The following PLCB4 variants were observed in gnomAD, a reference collection of about 807,000 sequenced individuals.
The protein encoded by PLCB4 is 1-phosphatidylinositol 4,5-bisphosphate phosphodiesterase beta-4.
A neutral mutation model predicts 178.8 loss-of-function variants in PLCB4; 77 were observed. The observed-to-expected ratio is 0.43, with a 90% CI of 0.36 to 0.52. The LOEUF is 0.52. Among genes scored for constraint, PLCB4 ranks in the 20% least tolerant of loss-of-function variants. PLCB4 has a pLI of 0.00. For missense variants in PLCB4, 1,024 were observed against 1,453.4 expected (o/e 0.70, Z 4.80); for synonymous variants, 496 against 490.8 (o/e 1.01, Z -0.14).
intron 36 of PLCB4, among the ~76,000 whole-genome samples, chr20:9,469,299 G>T (rs1242677505): frequency 6.6e-6 from 1 of 152,082 alleles, no homozygotes; most frequent in Non-Finnish European, 1.5e-5. Flanking sequence ...ATATAATTCT[G>T]AAGCATCCTT....
At chr20:9,257,127 C>T (rs1417910877) in intron 3 of PLCB4, among the ~76,000 whole-genome samples, 2 of 152,116 alleles carry the variant, frequency 1.3e-5, no homozygotes, top group Non-Finnish European at 2.9e-5. Context: ...CATTTTAGTT[C>T]TTAACTTGAA....
At chr20:9,410,978 C>T (rs1472804804) in intron 24 of PLCB4, 59 bp from the exon 25 acceptor site, 15 of 1,237,122 alleles carry the variant, frequency 1.2e-5, no homozygotes, top group Admixed American at 3.4e-5. Flanking sequence ...CAAATCACCC[C>T]GTCAGGGTCT....
At chr20:9,257,150 CTTCCT>C (rs1250163964) in intron 3 of PLCB4, among the ~76,000 whole-genome samples, 2 of 152,174 alleles carry the variant, frequency 1.3e-5, no homozygotes, top group Non-Finnish European at 2.9e-5. Context: ...TCTTGGGATA[CTTCCT>C]TTCCTCCTAG....
At chr20:9,272,435 C>T (rs2094412939) in intron 3 of PLCB4, among the ~76,000 whole-genome samples, 1 of 152,042 alleles carries the variant, frequency 6.6e-6, no homozygotes, top group Admixed American at 6.6e-5. Flanking sequence ...GCATTACTGA[C>T]ACTTTACATG....
chr20:9,378,824 A>G (rs571251571), intron 12 of PLCB4, among the ~76,000 whole-genome samples: 42 of 152,270 alleles, frequency 2.8e-4, no homozygotes, highest in African/African-American at 1.0e-3. Context: ...TGGGCCCCAT[A>G]TGCATGAGGA....
At chr20:9,079,979 A>G (rs1040142629) in intron 1 of PLCB4, among the ~76,000 whole-genome samples, 3 of 152,234 alleles carry the variant, frequency 2.0e-5, no homozygotes, top group Admixed American at 6.5e-5. Context: ...GTCTCTCAGC[A>G]TGGAGTTGGA....
At chr20:9,245,105 C>A (rs550412582) in intron 3 of PLCB4, among the ~76,000 whole-genome samples, 13 of 152,098 alleles carry the variant, frequency 8.5e-5, no homozygotes, top group Non-Finnish European at 1.5e-4. Flanking sequence ...GCTAGCCCAG[C>A]CTGTTCATAT....
At chr20:9,430,210 G>C (rs893972805) in intron 28 of PLCB4, among the ~76,000 whole-genome samples, 1 of 152,216 alleles carries the variant, frequency 6.6e-6, no homozygotes, top group Admixed American at 6.5e-5. Flanking sequence ...CATGGGTTGG[G>C]CATGCTTATC....
chr20:9,338,101 G>C (rs773160778), intron 6 of PLCB4, 34 bp downstream of exon 6: 3 of 1,416,432 alleles, frequency 2.1e-6, no homozygotes, highest in Middle Eastern at 1.8e-4. Context: ...TTCTAAACAC[G>C]GATTTACTTA....
intron 13 of PLCB4, among the ~76,000 whole-genome samples, chr20:9,382,930 A>G (rs1299312152): frequency 2.0e-5 from 3 of 152,202 alleles, no homozygotes; most frequent in Non-Finnish European, 2.9e-5. Context: ...ACAAATTTCT[A>G]CTTTCATTTA....
At chr20:9,169,952 A>T (rs2093036741) in intron 2 of PLCB4, among the ~76,000 whole-genome samples, 1 of 152,168 alleles carries the variant, frequency 6.6e-6, no homozygotes, top group African/African-American at 2.4e-5. Flanking sequence ...CAGCATGCTT[A>T]TTATTAACTG....
chr20:9,476,566 C>T (rs2044560102), intron 38 of PLCB4, 151 bp from the exon 39 acceptor site: 4 of 539,000 alleles, frequency 7.4e-6, no homozygotes, highest in Non-Finnish European at 1.3e-5. Flanking sequence ...GAAAGTTTGT[C>T]ACTGAGGGGT....
At chr20:9,090,845 C>A (rs894289061) in intron 1 of PLCB4, among the ~76,000 whole-genome samples, 2 of 152,104 alleles carry the variant, frequency 1.3e-5, no homozygotes, top group Non-Finnish European at 2.9e-5. Flanking sequence ...AATATTTTCA[C>A]AGAAGTTTTC....
intron 3 of PLCB4, among the ~76,000 whole-genome samples, chr20:9,258,970 A>G (rs1360968457): frequency 1.3e-5 from 2 of 152,200 alleles, no homozygotes; most frequent in Non-Finnish European, 2.9e-5. Flanking sequence ...TTTCGAGACC[A>G]GGTGGAAAAA....
chr20:9,180,297 T>C (rs2093224163), intron 2 of PLCB4, among the ~76,000 whole-genome samples: 1 of 152,180 alleles, frequency 6.6e-6, no homozygotes. Context: ...GCTTATACTC[T>C]GACAATAAAC....
chr20:9,193,254 A>T (rs994296474), intron 2 of PLCB4, among the ~76,000 whole-genome samples: 1 of 152,236 alleles, frequency 6.6e-6, no homozygotes, highest in African/African-American at 2.4e-5. Context: ...AGAAAGTGAG[A>T]CAGAGACATG....
At chr20:9,418,584 T>G (rs984442225) in intron 25 of PLCB4, among the ~76,000 whole-genome samples, 3 of 152,122 alleles carry the variant, frequency 2.0e-5, no homozygotes, top group African/African-American at 7.2e-5. Context: ...TAGTAATAAG[T>G]TTTGAAATCA....
intron 32 of PLCB4, among the ~76,000 whole-genome samples, chr20:9,449,506 C>G (rs1223757194): frequency 6.6e-6 from 1 of 152,150 alleles, no homozygotes; most frequent in African/African-American, 2.4e-5. Context: ...GTCGTGTCCT[C>G]TTAAAGGAGA....
chr20:9,346,703 A>G (rs1651611309), intron 7 of PLCB4, among the ~76,000 whole-genome samples: 1 of 152,344 alleles, frequency 6.6e-6, no homozygotes, highest in East Asian at 1.9e-4. Context: ...TCCGGAGTGC[A>G]GAGCTGTGAA....
Sources: gnomAD v4.1 joint callset for allele counts (sites outside exome capture counted in the v4.1 genomes callset) on GRCh38, gnomAD v4.1.1 for gene constraint, MANE v1.5 for transcripts, NCBI Gene and HGNC (gene_info 2026-07-23, HGNC 2026-07-21) for gene names.